The following COL23A1 variants were observed in gnomAD, a reference collection of about 807,000 sequenced individuals.
COL23A1 encodes collagen type XXIII alpha 1 chain.
Under a neutral mutation model 99.3 loss-of-function variants are expected in COL23A1, and 97 were observed. The observed-to-expected ratio is 0.98, with a 90% confidence interval of 0.83 to 1.16. The LOEUF is 1.16. Among genes scored for constraint, COL23A1 ranks in the 50% most tolerant of loss-of-function variants. The pLI is 0.00. For missense variants in COL23A1, 762 were observed against 757.4 expected (o/e 1.01, Z -0.07); for synonymous variants, 320 against 308.2 (o/e 1.04, Z -0.40).
intron 3 of COL23A1, among the ~76,000 whole-genome samples, chr5:178,299,812 G>A (rs1201221131): frequency 6.6e-6 from 1 of 152,058 alleles, no homozygotes; most frequent in East Asian, 1.9e-4. Flanking sequence ...GGAGTGCAGT[G>A]GCACGATCTC....
rs1758791841 is a variant in COL23A1, at chr5:178,313,091, C to G, written c.362-6172G>C. ...CACGCGATGGGAAGTAAGCCAGACA[C>G]AGAAAGACAAATACGGAAGGATTCC... On this transcript the variant is annotated intron_variant, in intron 2 of 28. Coordinates refer to ENST00000390654, the MANE Select transcript of COL23A1 (RefSeq NM_173465.4). This position sits in a 1 kb window ranked among gnomAD's most constrained non-coding sequence, Gnocchi z 4.2. Among the ~76,000 whole-genome samples, 2 of 152,148 alleles carry G rather than the reference C, an allele frequency of 1.3e-5. No individual in the cohort carries two copies. The highest frequency in any genetic ancestry group is 4.8e-5 in the African/African-American group (2 of 41,428).
chr5:178,249,049 G>A (rs1371677378), intron 19 of COL23A1, 68 bp downstream of exon 19: 1 of 1,515,642 alleles, frequency 6.6e-7, no homozygotes, highest in Non-Finnish European at 9.1e-7. Flanking sequence ...CCACAGCACG[G>A]GGGGCACACA....
In COL23A1 at chr5:178,428,571, GGCTGGCAGCCCCTGCCCGGCCCA is replaced by G. The variant is rs1427846080; in HGVS notation, c.362-121675_362-121653del. Reference sequence around the variant, plus strand: ...GCGGGGCCTCTTGGATGCTCCTCCTGGCTGGCAGCCCCTGCCCGGCCCAGGCCTTTTTAGCCCCCGAGCCAGGA... The same window carrying G: ...GCGGGGCCTCTTGGATGCTCCTCCTGGGCCTTTTTAGCCCCCGAGCCAGGA... On this transcript the variant is annotated intron_variant, in intron 2 of 28. Transcript: ENST00000390654. The surrounding 1 kb of genome is among the most constrained non-coding windows in gnomAD (Gnocchi z 5.0). Among the ~76,000 whole-genome samples, 2 of 152,242 alleles carry G rather than the reference GGCTGGCAGCCCCTGCCCGGCCCA, an allele frequency of 1.3e-5. No homozygotes were observed. The highest frequency in any genetic ancestry group is 2.9e-5 in the Non-Finnish European group (2 of 68,044).
intron 2 of COL23A1, among the ~76,000 whole-genome samples, chr5:178,506,248 C>T (rs551846464): frequency 1.3e-5 from 2 of 152,322 alleles, no homozygotes; most frequent in South Asian, 2.1e-4. Flanking sequence ...TTTTCCAGTC[C>T]TGGGCGAGGG....
chr5:178,554,656 C>T (rs1436578300), intron 2 of COL23A1, among the ~76,000 whole-genome samples: 1 of 152,154 alleles, frequency 6.6e-6, no homozygotes, highest in Non-Finnish European at 1.5e-5. Flanking sequence ...CCCTCCCCGA[C>T]ACCACATGCT....
rs905030451 is a variant in COL23A1, at chr5:178,415,713, C to G, written c.362-108794G>C. ...TCCCACGCCACATCTGTGCCCGAGCCCTGCTGCACAAGGGGATGCAGAAGA... is the reference window on the plus strand; with the variant it reads ...TCCCACGCCACATCTGTGCCCGAGCGCTGCTGCACAAGGGGATGCAGAAGA... On this transcript the variant is annotated intron_variant, in intron 2 of 28. Transcript: ENST00000390654. This position sits in a 1 kb window ranked among gnomAD's most constrained non-coding sequence, Gnocchi z 4.6. Among the ~76,000 whole-genome samples, 2 of 152,182 alleles carry G rather than the reference C, an allele frequency of 1.3e-5. No individual in the cohort carries two copies. Among genetic ancestry groups the G allele is most frequent in the Non-Finnish European group, 2.9e-5 (2 of 68,020 alleles).
At chr5:178,442,873 T>A (rs1178977076) in intron 2 of COL23A1, 1 of 152,248 alleles carries the variant, frequency 6.6e-6, no homozygotes, top group Non-Finnish European at 1.5e-5. Flanking sequence ...CATATCCCTA[T>A]TTCACAAGCA....
rs546728381 is a variant in COL23A1, at chr5:178,537,187, C to A, written c.361+23495G>T. ...GTGACAGGGAGAGGAGCACCCCTGA[C>A]CACCCGTGTCCCCATCTCTAGACTT... On this transcript the variant is annotated intron_variant, in intron 2 of 28. Transcript: ENST00000390654. Among the ~76,000 whole-genome samples the A allele has an allele frequency of 1.7e-4, 25 of 151,508 alleles. No homozygotes were observed. The East Asian group carries it at 4.6e-3, about 28-fold the overall frequency.
intron 2 of COL23A1, among the ~76,000 whole-genome samples, chr5:178,400,464 C>T (rs1025299556): frequency 0.012 from 21 of 1,704 alleles, no homozygotes; most frequent in South Asian, 0.083. Context: ...AGAACAGCTC[C>T]GTCAGCCCCA....
intron 28 of COL23A1, 73 bp from the exon 29 acceptor site, chr5:178,238,773 T>G (rs754555214): frequency 1.9e-5 from 31 of 1,599,964 alleles, no homozygotes; most frequent in Non-Finnish European, 2.6e-5. Flanking sequence ...CCACCTTGCC[T>G]GGCCTCCCCG....
intron 2 of COL23A1, among the ~76,000 whole-genome samples, chr5:178,399,738 G>A (rs1355926274): frequency 1.3e-5 from 2 of 152,230 alleles, no homozygotes; most frequent in African/African-American, 4.8e-5. Flanking sequence ...GACCAAAGGA[G>A]GGAGGGGAGT....
At chr5:178,450,776 G>A (rs1767442456) in intron 2 of COL23A1, among the ~76,000 whole-genome samples, 1 of 152,118 alleles carries the variant, frequency 6.6e-6, no homozygotes, top group African/African-American at 2.4e-5. Context: ...CCTCACAACA[G>A]CCTGGGAGGT....
At chr5:178,453,832 T>G (rs1767622534) in intron 2 of COL23A1, among the ~76,000 whole-genome samples, 1 of 152,124 alleles carries the variant, frequency 6.6e-6, no homozygotes, top group African/African-American at 2.4e-5. Flanking sequence ...TCACCACGAT[T>G]CCATACTGAC....
chr5:178,508,407 T>C (rs952703487), intron 2 of COL23A1, among the ~76,000 whole-genome samples: 4 of 152,220 alleles, frequency 2.6e-5, no homozygotes, highest in Admixed American at 2.0e-4. Flanking sequence ...GTTCTTGTTA[T>C]GACAAGTAGT....
chr5:178,525,653 CA>C, intron 2 of COL23A1, among the ~76,000 whole-genome samples: 1 of 60,962 alleles, frequency 1.6e-5, no homozygotes, highest in East Asian at 1.0e-3. Flanking sequence ...GAAATGGCGA[CA>C]CAGCGCGCAG....
chr5:178,242,484 A>G, intron 25 of COL23A1, 90 bp from the exon 26 acceptor site: 1 of 1,309,706 alleles, frequency 7.6e-7, no homozygotes. Context: ...TCCCATCCAC[A>G]CGCCCACTTT....
chr5:178,514,127 C>T (rs1439730392), intron 2 of COL23A1, among the ~76,000 whole-genome samples: 1 of 152,210 alleles, frequency 6.6e-6, no homozygotes, highest in Non-Finnish European at 1.5e-5. Flanking sequence ...AATTTGATGG[C>T]TCTGGGTACT....
At chr5:178,457,435 G>A (rs1010840069) in intron 2 of COL23A1, among the ~76,000 whole-genome samples, 5 of 151,984 alleles carry the variant, frequency 3.3e-5, no homozygotes, top group African/African-American at 4.8e-5. Context: ...GGCTGGTTTC[G>A]AACCCCTGAC....
At chr5:178,498,785 T>C (rs1485294351) in intron 2 of COL23A1, among the ~76,000 whole-genome samples, 3 of 152,026 alleles carry the variant, frequency 2.0e-5, no homozygotes, top group Non-Finnish European at 4.4e-5. Context: ...ATAAAGGACA[T>C]AGACATATTA....
Sources: allele counts gnomAD v4.1 joint callset (sites outside exome capture counted in the v4.1 genomes callset), GRCh38; gene constraint gnomAD v4.1.1; non-coding constraint Gnocchi (gnomAD v3.1); transcripts MANE v1.5; gene names NCBI Gene and HGNC (gene_info 2026-07-23, HGNC 2026-07-21).